Variants in SATB2 observed in about 807,000 individuals in gnomAD.
The protein encoded by SATB2 is SATB homeobox 2, also known as DNA-binding protein SATB2.
SATB2 carries 1 observed loss-of-function variant against 73.4 expected under a neutral mutation model. That is an observed-to-expected ratio of 0.01 (90% CI 0.00 to 0.06). The LOEUF is 0.06. Among genes scored for constraint, SATB2 ranks in the 10% least tolerant of loss-of-function variants. The probability of loss-of-function intolerance (pLI) is 1.00; values close to 1 mark genes in which losing one functional copy is unlikely to be tolerated. For synonymous variants in SATB2, 397 were observed against 367.0 expected, an observed-to-expected ratio of 1.08 and a Z score of -0.93; for missense variants, 459 against 945.8, an observed-to-expected ratio of 0.49 and a Z score of 6.75.
At chr2:199,451,091 A>AAC (rs56071011) in intron 2 of SATB2, among the ~76,000 whole-genome samples, 27,591 of 139,074 alleles carry the variant, frequency 0.2, 2,599 homozygotes, top group Middle Eastern at 0.25. Flanking sequence ...ATGTAGTTCC[A>AAC]ACACACACAC....
At chr2:199,386,573 C>T (rs545345162) in intron 3 of SATB2, among the ~76,000 whole-genome samples, 1 of 152,266 alleles carries the variant, frequency 6.6e-6, no homozygotes, top group South Asian at 2.1e-4. Flanking sequence ...ATAATGATGG[C>T]ATAACTTAAG....
intron 6 of SATB2, among the ~76,000 whole-genome samples, chr2:199,359,605 C>G (rs1404178655): frequency 6.6e-6 from 1 of 152,074 alleles, no homozygotes; most frequent in Non-Finnish European, 1.5e-5. Flanking sequence ...ATAAGTTCAT[C>G]TATATTACAT....
chr2:199,437,655 T>G (rs1317809150), intron 2 of SATB2, among the ~76,000 whole-genome samples: 3 of 152,158 alleles, frequency 2.0e-5, no homozygotes, highest in Non-Finnish European at 4.4e-5. Context: ...CTAGCCAAAA[T>G]GCAAACAATA....
In SATB2 at chr2:199,271,997, C is replaced by T. The variant is rs759359447; in HGVS notation, c.*214G>A. The stretch of plus-strand genomic sequence containing the variant: ...GTCTTTGCCAAGGCGATGTCTGATT[C>T]GGAAATACTGAACTTATTCAGTCTA... On this transcript the variant is annotated 3_prime_UTR_variant, in exon 11 of 11. Transcript: ENST00000417098. The T allele has an allele frequency of 1.5e-5, 9 of 599,984 alleles. No individual in the cohort carries two copies. Among genetic ancestry groups the T allele is most frequent in the Admixed American group, 8.7e-5 (3 of 34,478 alleles). The allele number at this position is 599,984 out of a possible 1,614,324, so 37.2% of individuals were successfully genotyped here.
At chr2:199,469,239 T>C (rs1227186250), upstream of SATB2, among the ~76,000 whole-genome samples, 1 of 152,170 alleles carries the variant, frequency 6.6e-6, no homozygotes, top group African/African-American at 2.4e-5. Flanking sequence ...CGCCTGGCCG[T>C]CGTCACCGAG....
intron 10 of SATB2, among the ~76,000 whole-genome samples, chr2:199,283,840 A>T (rs764998556): frequency 6.9e-4 from 105 of 152,264 alleles, no homozygotes; most frequent in Non-Finnish European, 1.0e-3. Flanking sequence ...GTGTGAAGAA[A>T]TGGGAAGCGC....
chr2:199,365,402 T>G (rs1356540217), intron 6 of SATB2, among the ~76,000 whole-genome samples: 1 of 152,082 alleles, frequency 6.6e-6, no homozygotes, highest in African/African-American at 2.4e-5. Context: ...ATTCATGGTC[T>G]TAGACCTTGA....
chr2:199,297,647 G>A (rs1446638), intron 10 of SATB2, among the ~76,000 whole-genome samples: 4,629 of 152,204 alleles, frequency 0.03, 107 homozygotes, highest in Non-Finnish European at 0.043. Context: ...CTGCTAATGG[G>A]GGAGATGCCT....
intron 6 of SATB2, among the ~76,000 whole-genome samples, chr2:199,356,538 C>T (rs1168790209): frequency 6.6e-6 from 1 of 152,124 alleles, no homozygotes; most frequent in East Asian, 1.9e-4. Flanking sequence ...AGACAACGAT[C>T]TTGTCTAATA....
At chr2:199,356,612 G>C (rs1574541598) in intron 6 of SATB2, among the ~76,000 whole-genome samples, 1 of 152,048 alleles carries the variant, frequency 6.6e-6, no homozygotes, top group Non-Finnish European at 1.5e-5. Context: ...AAATATTTAG[G>C]AATATTCAAA....
chr2:199,416,752 A>C (rs1369807597), intron 3 of SATB2, among the ~76,000 whole-genome samples: 3 of 152,078 alleles, frequency 2.0e-5, no homozygotes, highest in Admixed American at 6.5e-5. Flanking sequence ...ATAACATAAC[A>C]TGGGCCAAGT....
rs12993660 is a variant in SATB2, at chr2:199,271,936, C to T, written c.*275G>A. The stretch of plus-strand genomic sequence containing the variant: ...TCCTGTGATTATAATGACTATGATC[C>T]AGTCATAGAGACGGGATAAAGTGTA... On this transcript the variant is annotated 3_prime_UTR_variant, in exon 11 of 11. Transcript: ENST00000417098. The T allele has an allele frequency of 2.2e-4, 108 of 485,074 alleles. No homozygotes were observed. Among genetic ancestry groups the T allele is most frequent in the Non-Finnish European group, 3.4e-4 (91 of 266,588 alleles). 30.0% of individuals were successfully genotyped at this position (485,074 alleles called of 1,614,324 possible).
intron 10 of SATB2, among the ~76,000 whole-genome samples, chr2:199,307,943 G>A (rs1467365673): frequency 1.3e-5 from 2 of 152,140 alleles, no homozygotes; most frequent in African/African-American, 2.4e-5. Context: ...TTCAGAGACA[G>A]GCCAAAGGGT....
At chr2:199,347,151 C>T (rs1477362432) in intron 7 of SATB2, 1 of 152,208 alleles carries the variant, frequency 6.6e-6, no homozygotes, top group Non-Finnish European at 1.5e-5. Context: ...GGACTACAGA[C>T]ATGAGCCACT....
chr2:199,313,788 T>C (rs1687657206), intron 9 of SATB2, among the ~76,000 whole-genome samples: 1 of 152,172 alleles, frequency 6.6e-6, no homozygotes, highest in Non-Finnish European at 1.5e-5. Flanking sequence ...CATTAATGAG[T>C]TGCATAAAGG....
chr2:199,333,654 A>T (rs1236474063), intron 7 of SATB2, among the ~76,000 whole-genome samples: 4 of 152,138 alleles, frequency 2.6e-5, no homozygotes. Context: ...AAGAGTCTAC[A>T]TTAATATGAT....
chr2:199,359,238 T>C (rs1689070068), intron 6 of SATB2, among the ~76,000 whole-genome samples: 1 of 152,174 alleles, frequency 6.6e-6, no homozygotes, highest in African/African-American at 2.4e-5. Context: ...TGTGATTTTA[T>C]AGGACTTTGA....
At chr2:199,316,720 C>T (rs925960513) in intron 9 of SATB2, among the ~76,000 whole-genome samples, 14 of 151,948 alleles carry the variant, frequency 9.2e-5, no homozygotes, top group African/African-American at 1.7e-4. Flanking sequence ...TTAGCATACA[C>T]GGAATATGCA....
chr2:199,398,514 A>C (rs1166038697), intron 3 of SATB2, among the ~76,000 whole-genome samples: 1 of 152,186 alleles, frequency 6.6e-6, no homozygotes, highest in African/African-American at 2.4e-5. Flanking sequence ...GGGCAGAAGA[A>C]AACATTAAGT....
Sources: gnomAD v4.1 joint callset for allele counts (sites outside exome capture counted in the v4.1 genomes callset) on GRCh38, gnomAD v4.1.1 for gene constraint, MANE v1.5 for transcripts, NCBI Gene and HGNC (gene_info 2026-07-23, HGNC 2026-07-21) for gene names.